AGL: variants seen among roughly 807,000 people sequenced by gnomAD.
AGL encodes glycogen debranching enzyme.
AGL carries 128 observed loss-of-function variants against 199.3 expected under a neutral mutation model. The ratio of observed to expected loss-of-function variants is 0.64; its 90% CI spans 0.56 to 0.74. AGL has a LOEUF of 0.74. AGL is among the 30% of genes least tolerant of loss of function. The probability of loss-of-function intolerance (pLI) is 0.00; values close to 1 mark genes in which losing one functional copy is unlikely to be tolerated. For synonymous variants in AGL, 584 were observed against 594.7 expected (o/e 0.98, Z 0.26); for missense variants, 1,809 against 1,820.8 (o/e 0.99, Z 0.12).
At chr1:99,906,370 T>C (rs898698548) in intron 27 of AGL, among the ~76,000 whole-genome samples, 9 of 152,232 alleles carry the variant, frequency 5.9e-5, no homozygotes, top group Non-Finnish European at 5.9e-5. Context: ...CCTTTTTTTG[T>C]CTTTTTTGTG....
chr1:99,908,601 A>G (rs1410577311), intron 27 of AGL, among the ~76,000 whole-genome samples: 1 of 152,118 alleles, frequency 6.6e-6, no homozygotes, highest in Non-Finnish European at 1.5e-5. Flanking sequence ...TCTGTCAGAT[A>G]CTTCCAACAT....
intron 2 of AGL, among the ~76,000 whole-genome samples, chr1:99,853,678 A>G (rs986528873): frequency 1.3e-5 from 2 of 152,102 alleles, no homozygotes; most frequent in Admixed American, 6.6e-5. Context: ...ACTTGAGGCC[A>G]GGAGTTCATG....
At chr1:99,906,038 A>G (rs1194281515) in intron 27 of AGL, among the ~76,000 whole-genome samples, 1 of 152,138 alleles carries the variant, frequency 6.6e-6, no homozygotes, top group African/African-American at 2.4e-5. Flanking sequence ...TAAGTGTACA[A>G]TTCAGTGGCT....
chr1:99,883,782 A>AT lies in AGL; in HGVS notation c.2309-329dup, dbSNP rs925388235. On this transcript the variant is annotated intron_variant, in intron 17 of 33. Coordinates refer to ENST00000361915, the MANE Select transcript of AGL (RefSeq NM_000642.3). The stretch of plus-strand genomic sequence containing the variant: ...TGAGGAAGTAGAACTTGGGTTTTTA[A>AT]TTTTTTTTTGTATCCGAAATATTCC... 1.4e-3 allele frequency among the ~76,000 whole-genome samples: 211 copies of AT among 151,466 alleles called. 1 individual carries two copies. Among genetic ancestry groups the AT allele is most frequent in the African/African-American group, 4.0e-3 (167 of 41,330 alleles).
chr1:99,857,360 C>G (rs903025598), intron 2 of AGL, among the ~76,000 whole-genome samples: 1 of 151,676 alleles, frequency 6.6e-6, no homozygotes, highest in Non-Finnish European at 1.5e-5. Flanking sequence ...TCCTCACATC[C>G]CAGACGAAGG....
chr1:99,886,773 A>G (rs1570455761), intron 20 of AGL, among the ~76,000 whole-genome samples: 1 of 152,282 alleles, frequency 6.6e-6, no homozygotes, highest in African/African-American at 2.4e-5. Context: ...GTTGTTTTGT[A>G]AGACTTTTTA....
Position 99,881,346 on chromosome 1 carries a change from C to A in AGL, c.2056C>A (p.Pro686Thr). ...FYTKWNPEAL[P>T]SNTGEVNFQS... ...CACTAAGTGGAATCCTGAAGCATTGCCTTCAAACACAGGTGAAGTTAATTT... is the reference window on the plus strand; with the variant it reads ...CACTAAGTGGAATCCTGAAGCATTGACTTCAAACACAGGTGAAGTTAATTT... Residue 686 changes from proline to threonine, a missense_variant, in exon 16 of 34, where the codon CCT (proline) becomes ACT (threonine). Coordinates refer to ENST00000361915, the MANE Select transcript of AGL (RefSeq NM_000642.3). 6.2e-7 allele frequency: 1 copy of A among 1,614,092 alleles called. No individual in the cohort carries two copies.
intron 20 of AGL, among the ~76,000 whole-genome samples, chr1:99,885,762 A>G (rs1652405789): frequency 6.6e-6 from 1 of 152,206 alleles, no homozygotes; most frequent in South Asian, 2.1e-4. Flanking sequence ...GTCTAGTTGC[A>G]GGAAAACAAG....
rs1655600688 is a variant in AGL, at chr1:99,922,794, G to C, written c.*1143G>C. On this transcript the variant is annotated 3_prime_UTR_variant, in exon 34 of 34. Coordinates refer to ENST00000361915, the MANE Select transcript of AGL (RefSeq NM_000642.3). ...ATGCATTCAGTTGGAAGAAAGTAGT[G>C]GCAAGAATTCTTTCATTGCTATATA... is the stretch of plus-strand genomic sequence containing the variant. 6.6e-6 allele frequency: 1 copy of C among 151,842 alleles called. No individual in the cohort carries two copies. Among genetic ancestry groups the C allele is most frequent in the Non-Finnish European group, 1.5e-5 (1 of 67,892 alleles). 9.4% of individuals were successfully genotyped at this position (151,842 alleles called of 1,614,324 possible).
chr1:99,901,453 G>A (rs1653832641), intron 26 of AGL, among the ~76,000 whole-genome samples: 1 of 151,772 alleles, frequency 6.6e-6, no homozygotes, highest in African/African-American at 2.4e-5. Flanking sequence ...CACAGTTTAG[G>A]GGACATAGTA....
At chr1:99,852,808 G>A (rs780583556) in intron 2 of AGL, 19 of 754,830 alleles carry the variant, frequency 2.5e-5, no homozygotes, top group Non-Finnish European at 3.9e-5. Context: ...TAAATATAAG[G>A]CATTGATATG....
At position 99,915,600 on chromosome 1, in the gene AGL, A is replaced by G; in HGVS notation, c.4259+114A>G. ...AACAAAAGGAGATGCCATCTCTACAAAAATAAAAGTTAAAAAAAAAATTAG... is the reference window on the plus strand; with the variant it reads ...AACAAAAGGAGATGCCATCTCTACAGAAATAAAAGTTAAAAAAAAAATTAG... On this transcript the variant is annotated intron_variant, in intron 31 of 33. Coordinates refer to ENST00000361915, the MANE Select transcript of AGL (RefSeq NM_000642.3). 3.6e-6 allele frequency: 3 copies of G among 828,750 alleles called. No homozygotes were observed. The East Asian group carries it at 7.5e-5, about 21-fold the overall frequency. The allele number at this position is 828,750 out of a possible 1,614,324, so 51.3% of individuals were successfully genotyped here.
chr1:99,870,913 G>C (rs1358224464), intron 7 of AGL, 44 bp downstream of exon 7: 1 of 1,213,678 alleles, frequency 8.2e-7, no homozygotes, highest in Admixed American at 1.7e-5. Flanking sequence ...TTTAAGAAAT[G>C]TAATATTATA....
intron 29 of AGL, 91 bp from the exon 30 acceptor site, chr1:99,913,435 TA>T: frequency 9.0e-7 from 1 of 1,112,094 alleles, no homozygotes; most frequent in Non-Finnish European, 1.3e-6. Flanking sequence ...TTGTAGTAGA[TA>T]AAAATAAACT....
At chr1:99,919,046 C>T (rs991683045) in intron 33 of AGL, among the ~76,000 whole-genome samples, 2 of 152,150 alleles carry the variant, frequency 1.3e-5, no homozygotes, top group African/African-American at 2.4e-5. Flanking sequence ...GTGGGACCCT[C>T]TGCATATCTT....
At position 99,874,813 on chromosome 1, in the gene AGL, A is replaced by G. The variant is rs757095271; in HGVS notation, c.1082+3A>G. 5.6e-6 allele frequency: 9 copies of G among 1,613,474 alleles called. No homozygotes were observed. Among genetic ancestry groups the G allele is most frequent in the Admixed American group, 1.7e-5 (1 of 60,006 alleles). ...CTAACGACTTTCATACCACATGAGT[A>G]TGTAATGTGTTTTTTTCTGTGAAAT... On this transcript the variant is annotated splice_donor_region_variant and intron_variant, in intron 8 of 33. Transcript: ENST00000361915.
In AGL at chr1:99,884,148, T is replaced by C. The variant is rs928189171; in HGVS notation, c.2337T>C (p.Ala779=). 7 of 1,611,758 alleles carry C rather than the reference T, an allele frequency of 4.3e-6. No individual in the cohort carries two copies. The highest frequency in any genetic ancestry group is 5.9e-6 in the Non-Finnish European group (7 of 1,178,220). The change falls in exon 18 of 34, where the codon GCT becomes GCC. Residue 779 remains alanine (A), a synonymous_variant. Coordinates refer to ENST00000361915, the MANE Select transcript of AGL (RefSeq NM_000642.3). ...AAATTGAAGAAGTAGTTCTTGAAGCTAGAACTATTGAGAGAAACACGAAAC... is the reference window on the plus strand; with the variant it reads ...AAATTGAAGAAGTAGTTCTTGAAGCCAGAACTATTGAGAGAAACACGAAAC... ...PGKIEEVVLE[A]RTIERNTKPY... is the part of the protein sequence containing the mutation.
intron 8 of AGL, 50 bp downstream of exon 8, chr1:99,874,860 T>C: frequency 6.3e-7 from 1 of 1,583,798 alleles, no homozygotes; most frequent in Non-Finnish European, 8.7e-7. Flanking sequence ...TTACAAACCT[T>C]TATGGCTAGT....
At chr1:99,853,704 A>G (rs138672743) in intron 2 of AGL, among the ~76,000 whole-genome samples, 2,298 of 152,098 alleles carry the variant, frequency 0.015, 32 homozygotes, top group Middle Eastern at 0.089. Flanking sequence ...CCTGGACAAC[A>G]TAGTAAGACT....
Sources: gnomAD v4.1 joint callset for allele counts (sites outside exome capture counted in the v4.1 genomes callset) on GRCh38, gnomAD v4.1.1 for gene constraint, MANE v1.5 for transcripts, NCBI Gene and HGNC (gene_info 2026-07-23, HGNC 2026-07-21) for gene names.